The following USH2A variants were observed in gnomAD, a reference collection of about 807,000 sequenced individuals.
USH2A encodes usherin.
Under a neutral mutation model 538.9 loss-of-function variants are expected in USH2A, and 443 were observed. The observed-to-expected ratio is 0.82, with a 90% CI of 0.76 to 0.89. The LOEUF is 0.89. USH2A is among the 40% of genes least tolerant of loss of function. The pLI is 0.00. For synonymous variants in USH2A, 2,413 were observed against 2,273.5 expected (o/e 1.06, Z -1.75); for missense variants, 6,633 against 6,324.8 (o/e 1.05, Z -1.65).
chr1:215,803,147 C>T (rs1662389493), intron 49 of USH2A, among the ~76,000 whole-genome samples: 1 of 152,034 alleles, frequency 6.6e-6, no homozygotes, highest in Admixed American at 6.6e-5. Flanking sequence ...ATAATAAGAG[C>T]TATCTATGAC....
chr1:216,419,847 A>G (rs2039645874), intron 2 of USH2A, among the ~76,000 whole-genome samples: 2 of 152,026 alleles, frequency 1.3e-5, no homozygotes, highest in Admixed American at 6.6e-5. Context: ...TCTCACTTGC[A>G]TCTATCACTT....
intron 61 of USH2A, among the ~76,000 whole-genome samples, chr1:215,703,663 G>A (rs115873344): frequency 0.015 from 2,302 of 152,170 alleles, 92 homozygotes; most frequent in East Asian, 0.1. Context: ...ATCCCTCCCC[G>A]AACCAAGGTC....
intron 9 of USH2A, among the ~76,000 whole-genome samples, chr1:216,318,182 C>T (rs2037543622): frequency 6.6e-6 from 1 of 152,100 alleles, no homozygotes. Context: ...TGCCAAATGT[C>T]TGTAATATAA....
chr1:215,789,951 A>C, intron 51 of USH2A, 108 bp downstream of exon 51: 1 of 1,014,372 alleles, frequency 9.9e-7, no homozygotes, highest in Non-Finnish European at 1.5e-6. Context: ...GAAAATGAAT[A>C]ATGCACACAG....
intron 4 of USH2A, among the ~76,000 whole-genome samples, chr1:216,344,707 T>G (rs892223688): frequency 6.6e-6 from 1 of 151,746 alleles, no homozygotes; most frequent in Non-Finnish European, 1.5e-5. Context: ...TTTAGGGGCG[T>G]TAGAGTCTCT....
intron 61 of USH2A, among the ~76,000 whole-genome samples, 170 bp downstream of exon 61, chr1:215,727,860 T>C (rs1457297185): frequency 6.6e-6 from 1 of 152,190 alleles, no homozygotes; most frequent in Non-Finnish European, 1.5e-5. Flanking sequence ...ATACTCCTCA[T>C]ACTCAGTTCA....
chr1:215,740,510 C>T (rs1336422613), intron 60 of USH2A, among the ~76,000 whole-genome samples: 1 of 152,100 alleles, frequency 6.6e-6, no homozygotes, highest in African/African-American at 2.4e-5. Context: ...CACCATCTAA[C>T]CAGTGGAGTG....
rs1019508787 is a variant in USH2A, at chr1:216,156,680, C to T, written c.4627+18572G>A. Among the ~76,000 whole-genome samples, 3 of 152,198 alleles carry T rather than the reference C, an allele frequency of 2.0e-5. No homozygotes were observed. In the South Asian group the frequency reaches 6.2e-4, roughly 32 times the overall value. ...CAGCTTTAGAAATGGACAACTGAGA[C>T]CTAATTAAACTAAAGTGTCTCTGCA... On this transcript the variant is annotated intron_variant, in intron 21 of 71. Coordinates refer to ENST00000307340, the MANE Select transcript of USH2A (RefSeq NM_206933.4).
rs1657960533 is a variant in USH2A, at chr1:215,674,985, A to G, written c.12926T>C (p.Phe4309Ser). 1 of 1,614,228 alleles carries G rather than the reference A, an allele frequency of 6.2e-7. No homozygotes were observed. Among genetic ancestry groups the G allele is most frequent in the Non-Finnish European group, 8.5e-7 (1 of 1,180,050 alleles). Reference sequence around the variant, plus strand: ...ATTGAAAGTCACAGGATCAAAGCTAAAAGGATAGAGCATTTCATTCCTTTG... The same window carrying G: ...ATTGAAAGTCACAGGATCAAAGCTAGAAGGATAGAGCATTTCATTCCTTTG... ...RLQRNEMLYPFSFDPVTFNYT... is the reference protein window; with the variant it reads ...RLQRNEMLYPSSFDPVTFNYT... Residue 4309 changes from phenylalanine to serine, a missense_variant, in exon 63 of 72, where the codon TTT becomes TCT. Physicochemically the swap from Phe to Ser is radical, Grantham distance 155. Coordinates refer to ENST00000307340, the MANE Select transcript of USH2A (RefSeq NM_206933.4).
At chr1:216,354,740 C>A (rs745492665) in intron 4 of USH2A, among the ~76,000 whole-genome samples, 1 of 151,352 alleles carries the variant, frequency 6.6e-6, no homozygotes, top group Non-Finnish European at 1.5e-5. Flanking sequence ...CAAAACTGTA[C>A]CCAATATCTA....
chr1:216,337,350 G>A (rs557766661), intron 4 of USH2A, among the ~76,000 whole-genome samples: 1 of 151,118 alleles, frequency 6.6e-6, no homozygotes, highest in East Asian at 2.0e-4. Context: ...TTTGCCCAAG[G>A]TAAAACAGGT....
At chr1:216,120,457 G>A (rs1032818738) in intron 21 of USH2A, among the ~76,000 whole-genome samples, 1 of 151,754 alleles carries the variant, frequency 6.6e-6, no homozygotes, top group African/African-American at 2.4e-5. Context: ...TCAGCTCACT[G>A]CAAGCTCCGC....
chr1:215,835,847 C>T (rs575201241), intron 47 of USH2A, among the ~76,000 whole-genome samples: 1 of 152,218 alleles, frequency 6.6e-6, no homozygotes, highest in African/African-American at 2.4e-5. Flanking sequence ...ATATTGCTTA[C>T]AAAATTGTGT....
intron 68 of USH2A, 139 bp downstream of exon 68, chr1:215,640,419 A>G: frequency 9.2e-7 from 1 of 1,092,666 alleles, no homozygotes; most frequent in South Asian, 1.4e-5. Context: ...CCTGAGCAGT[A>G]ACTTTTTCAC....
intron 40 of USH2A, among the ~76,000 whole-genome samples, chr1:215,893,339 G>C (rs1665252657): frequency 6.6e-6 from 1 of 152,072 alleles, no homozygotes; most frequent in Non-Finnish European, 1.5e-5. Flanking sequence ...GACTCTCTAA[G>C]AATTTAAGAT....
intron 67 of USH2A, among the ~76,000 whole-genome samples, chr1:215,644,917 A>G (rs1015042316): frequency 6.6e-6 from 1 of 152,198 alleles, no homozygotes; most frequent in African/African-American, 2.4e-5. Flanking sequence ...AGGAACTTTG[A>G]ATCAAAGTGA....
intron 50 of USH2A, among the ~76,000 whole-genome samples, chr1:215,797,543 C>T (rs942864005): frequency 6.6e-6 from 1 of 152,080 alleles, no homozygotes; most frequent in African/African-American, 2.4e-5. Context: ...AGTGGAAGCC[C>T]ATGCTCATTG....
At chr1:216,157,924 A>C (rs1274860766) in intron 21 of USH2A, among the ~76,000 whole-genome samples, 1 of 152,176 alleles carries the variant, frequency 6.6e-6, no homozygotes, top group Non-Finnish European at 1.5e-5. Flanking sequence ...ACAAACCCGC[A>C]TGTTGTACCC....
chr1:215,651,924 A>C (rs1054953482), intron 64 of USH2A, among the ~76,000 whole-genome samples: 2 of 152,234 alleles, frequency 1.3e-5, no homozygotes, highest in East Asian at 3.8e-4. Context: ...AATTGTTTTC[A>C]GGTTGCTGTC....
Sources: allele counts gnomAD v4.1 joint callset (sites outside exome capture counted in the v4.1 genomes callset), GRCh38; gene constraint gnomAD v4.1.1; transcripts MANE v1.5; gene names NCBI Gene and HGNC (gene_info 2026-07-23, HGNC 2026-07-21).